Variants in SNX16 observed in about 807,000 individuals in gnomAD.
The protein encoded by SNX16 is sorting nexin-16.
A neutral mutation model predicts 36.7 loss-of-function variants in SNX16; 35 were observed. That is an observed-to-expected ratio of 0.95 (90% CI 0.73 to 1.27). The LOEUF is 1.27. SNX16 is among the 50% of genes most tolerant of loss of function. SNX16 has a pLI of 0.00. For synonymous variants in SNX16, 134 were observed against 132.0 expected, an observed-to-expected ratio of 1.02 and a Z score of -0.10; for missense variants, 367 against 393.6, an observed-to-expected ratio of 0.93 and a Z score of 0.57.
At chr8:81,804,066 CAG>C (rs1278806892) in intron 5 of SNX16, among the ~76,000 whole-genome samples, 5 of 151,758 alleles carry the variant, frequency 3.3e-5, no homozygotes, top group Non-Finnish European at 5.9e-5. Context: ...AATTGTAAGA[CAG>C]TAGGGGACTG....
chr8:81,826,226 G>C (rs984990483), intron 3 of SNX16, among the ~76,000 whole-genome samples: 24 of 152,132 alleles, frequency 1.6e-4, no homozygotes, highest in African/African-American at 5.3e-4. Context: ...GTTTAGGAGA[G>C]AGCAGCGTGA....
In SNX16 at chr8:81,800,593, C is replaced by T. The variant is rs1320615835; in HGVS notation, c.*904G>A. 1 of 152,212 alleles carries T rather than the reference C, an allele frequency of 6.6e-6. No homozygotes were observed. Among genetic ancestry groups the T allele is most frequent in the Non-Finnish European group, 1.5e-5 (1 of 67,710 alleles). The allele number at this position is 152,212 out of a possible 1,614,324, so 9.4% of individuals were successfully genotyped here. ...AATACAGTATAACAACATCTTCACA[C>T]AAATAGAAATAAAAATGCAATGTCA... On this transcript the variant is annotated 3_prime_UTR_variant, in exon 8 of 8. Coordinates refer to ENST00000345957, the MANE Select transcript of SNX16 (RefSeq NM_152836.3).
chr8:81,824,793 C>T (rs2130714258), intron 3 of SNX16, among the ~76,000 whole-genome samples: 1 of 152,170 alleles, frequency 6.6e-6, no homozygotes, highest in Admixed American at 6.5e-5. Context: ...ATATTAAGCT[C>T]ACAGATTTTT....
intron 2 of SNX16, among the ~76,000 whole-genome samples, chr8:81,832,117 G>T (rs1332403517): frequency 6.6e-6 from 1 of 152,130 alleles, no homozygotes; most frequent in East Asian, 1.9e-4. Context: ...ACACTTACAT[G>T]TTCATTGCAC....
chr8:81,825,987 A>C (rs1465737400), intron 3 of SNX16, among the ~76,000 whole-genome samples: 2 of 151,932 alleles, frequency 1.3e-5, no homozygotes. Context: ...TTATAATTTA[A>C]ATTATAAAAA....
Position 81,816,487 on chromosome 8 carries a change from C to T in SNX16, c.612-1093G>A, listed in dbSNP as rs540678170. On this transcript the variant is annotated intron_variant, in intron 4 of 7. Transcript: ENST00000345957. ...TTACAGGCACGAACCACCGCGACCG[C>T]ACCCAGCCAGGATTTCTTGATACAC... Among the ~76,000 whole-genome samples, 5 of 151,870 alleles carry T rather than the reference C, an allele frequency of 3.3e-5. No homozygotes were observed. In the South Asian group the frequency reaches 1.0e-3, roughly 32 times the overall value.
At chr8:81,828,713 T>C (rs114323125) in intron 3 of SNX16, among the ~76,000 whole-genome samples, 6,970 of 152,298 alleles carry the variant, frequency 0.046, 247 homozygotes, top group Non-Finnish European at 0.065. Flanking sequence ...CTGATCCCTT[T>C]AGACTGTTTT....
intron 2 of SNX16, among the ~76,000 whole-genome samples, chr8:81,838,210 A>C (rs1397704196): frequency 1.3e-5 from 2 of 152,174 alleles, no homozygotes; most frequent in Non-Finnish European, 2.9e-5. Context: ...CAAAAACAAC[A>C]AAACATTACT....
chr8:81,802,956 C>T (rs1313417350), intron 6 of SNX16, 136 bp downstream of exon 6: 1 of 707,256 alleles, frequency 1.4e-6, no homozygotes, highest in Non-Finnish European at 2.1e-6. Context: ...GCATAATTTT[C>T]CCAATGAAGT....
intron 4 of SNX16, among the ~76,000 whole-genome samples, chr8:81,816,015 T>C (rs1479328940): frequency 1.3e-5 from 2 of 152,134 alleles, no homozygotes; most frequent in African/African-American, 2.4e-5. Flanking sequence ...AGGAGGTAGA[T>C]AACCAAACTT....
chr8:81,812,702 T>A (rs1356112885), intron 5 of SNX16, among the ~76,000 whole-genome samples: 1 of 151,882 alleles, frequency 6.6e-6, no homozygotes, highest in African/African-American at 2.4e-5. Context: ...CAGGAAGAAA[T>A]GAAGAGGGCC....
At chr8:81,829,230 A>C (rs1811141410) in intron 3 of SNX16, among the ~76,000 whole-genome samples, 200 bp downstream of exon 3, 1 of 133,680 alleles carries the variant, frequency 7.5e-6, no homozygotes, top group African/African-American at 2.6e-5. Context: ...CAAGATAATT[A>C]TTTATATTTC....
At chr8:81,815,138 C>T in intron 5 of SNX16, 187 bp downstream of exon 5, 1 of 341,138 alleles carries the variant, frequency 2.9e-6, no homozygotes, top group Non-Finnish European at 5.4e-6. Context: ...TTTACTTTTT[C>T]ACTGAGCTAA....
At chr8:81,820,239 C>T (rs1810674851) in intron 4 of SNX16, among the ~76,000 whole-genome samples, 1 of 150,964 alleles carries the variant, frequency 6.6e-6, no homozygotes, top group Non-Finnish European at 1.5e-5. Flanking sequence ...GGATTTCCCC[C>T]CCTTCCTTTT....
intron 3 of SNX16, among the ~76,000 whole-genome samples, chr8:81,828,715 G>C (rs1028164054): frequency 6.6e-6 from 1 of 152,124 alleles, no homozygotes; most frequent in African/African-American, 2.4e-5. Context: ...GATCCCTTTA[G>C]ACTGTTTTCT....
intron 5 of SNX16, among the ~76,000 whole-genome samples, chr8:81,810,400 G>A (rs745837248): frequency 3.9e-5 from 6 of 152,106 alleles, no homozygotes; most frequent in Non-Finnish European, 8.8e-5. Flanking sequence ...AGAAATGTGG[G>A]TTAATAAGTC....
intron 3 of SNX16, among the ~76,000 whole-genome samples, chr8:81,826,639 C>T (rs1219396194): frequency 2.6e-5 from 4 of 152,146 alleles, no homozygotes; most frequent in Non-Finnish European, 4.4e-5. Flanking sequence ...CCTCTGACTT[C>T]CTCAGCAGAG....
At chr8:81,839,218 CAAGGCTA>C (rs1296148183) in intron 2 of SNX16, among the ~76,000 whole-genome samples, 1 of 152,020 alleles carries the variant, frequency 6.6e-6, no homozygotes, top group African/African-American at 2.4e-5. Context: ...TGTAATTTGG[CAAGGCTA>C]AAGAAAAGAG....
intron 3 of SNX16, among the ~76,000 whole-genome samples, chr8:81,826,289 G>A (rs187196731): frequency 6.6e-6 from 1 of 152,138 alleles, no homozygotes; most frequent in African/African-American, 2.4e-5. Context: ...TTAATGTGAG[G>A]ACTGAATGCC....
Sources: allele counts gnomAD v4.1 joint callset (sites outside exome capture counted in the v4.1 genomes callset), GRCh38; gene constraint gnomAD v4.1.1; transcripts MANE v1.5; gene names NCBI Gene and HGNC (gene_info 2026-07-23, HGNC 2026-07-21).